The following CDH4 variants were observed in gnomAD, a reference collection of about 807,000 sequenced individuals.
CDH4 encodes cadherin 4.
A neutral mutation model predicts 86.0 loss-of-function variants in CDH4; 33 were observed. The observed-to-expected ratio is 0.38, with a 90% confidence interval of 0.29 to 0.51. CDH4 has a LOEUF of 0.51. CDH4 is among the 20% of genes least tolerant of loss of function. CDH4 has a pLI of 0.86. For synonymous variants in CDH4, 555 were observed against 549.4 expected, an observed-to-expected ratio of 1.01 and a Z score of -0.14; for missense variants, 1,114 against 1,307.4, an observed-to-expected ratio of 0.85 and a Z score of 2.28.
At chr20:61,396,829 G>T (rs113692884) in intron 2 of CDH4, among the ~76,000 whole-genome samples, 1 of 152,200 alleles carries the variant, frequency 6.6e-6, no homozygotes, top group Non-Finnish European at 1.5e-5. Flanking sequence ...GGTGGGGAGG[G>T]ATGCCCCAGG....
chr20:61,834,689 G>A (rs923561683), intron 4 of CDH4, among the ~76,000 whole-genome samples: 2 of 151,830 alleles, frequency 1.3e-5, no homozygotes, highest in African/African-American at 4.8e-5. Context: ...AACACGCTGC[G>A]CTACAGGTTG....
chr20:61,720,476 A>C (rs1281159685), intron 2 of CDH4, among the ~76,000 whole-genome samples: 1 of 134,468 alleles, frequency 7.4e-6, no homozygotes, highest in Non-Finnish European at 1.6e-5. Flanking sequence ...AGGGGTGGAG[A>C]ATGCAGGGGT....
In CDH4 at chr20:61,567,048, C is replaced by G. The variant is rs150127834; in HGVS notation, c.170-176515C>G. ...CTGTGAGGTGGAGAGCAGCTCTGTT[C>G]CAAACGCCCATATCCGTTAGCATGG... On this transcript the variant is annotated intron_variant, in intron 2 of 15. Coordinates refer to ENST00000614565, the MANE Select transcript of CDH4 (RefSeq NM_001794.5). 3.1e-3 allele frequency among the ~76,000 whole-genome samples: 475 copies of G among 152,286 alleles called. 2 individuals carry two copies. The highest frequency in any genetic ancestry group is 0.014 in the Middle Eastern group (4 of 294).
chr20:61,871,096 C>T (rs1983786983), intron 6 of CDH4, among the ~76,000 whole-genome samples: 1 of 151,624 alleles, frequency 6.6e-6, no homozygotes, highest in South Asian at 2.1e-4. Context: ...AGAGACAGAG[C>T]TCCTCATATC....
chr20:61,501,140 A>T lies in CDH4; in HGVS notation c.170-242423A>T, dbSNP rs111664305. Among the ~76,000 whole-genome samples the T allele has an allele frequency of 0.03, 4,599 of 152,262 alleles. 115 individuals carry two copies. The highest frequency in any genetic ancestry group is 0.046 in the Non-Finnish European group (3,141 of 68,000). ...AACATGTTTCTGTAGAGCCCAAAACAGGCCACATCCGCTCCTGCTCTGAGC... is the reference window on the plus strand; with the variant it reads ...AACATGTTTCTGTAGAGCCCAAAACTGGCCACATCCGCTCCTGCTCTGAGC... On this transcript the variant is annotated intron_variant, in intron 2 of 15. Transcript: ENST00000614565. The surrounding 1 kb of genome is among the most constrained non-coding windows in gnomAD (Gnocchi z 4.2).
intron 2 of CDH4, among the ~76,000 whole-genome samples, chr20:61,403,751 G>A (rs974523709): frequency 3.3e-5 from 5 of 152,052 alleles, no homozygotes; most frequent in Non-Finnish European, 5.9e-5. Flanking sequence ...GATTTCGCAC[G>A]GGACAATTTT....
chr20:61,900,766 CT>C (rs1220559304), intron 8 of CDH4, among the ~76,000 whole-genome samples: 1 of 152,208 alleles, frequency 6.6e-6, no homozygotes, highest in African/African-American at 2.4e-5. Context: ...CTGGGCCAGA[CT>C]CCCCAGCTTC....
chr20:61,877,703 G>C (rs1048211788), intron 7 of CDH4, among the ~76,000 whole-genome samples: 1 of 152,122 alleles, frequency 6.6e-6, no homozygotes, highest in Non-Finnish European at 1.5e-5. Context: ...GCTAACATTC[G>C]ATTCCAGGAA....
chr20:61,280,188 C>T (rs2084251285), intron 2 of CDH4, among the ~76,000 whole-genome samples: 1 of 152,038 alleles, frequency 6.6e-6, no homozygotes, highest in Admixed American at 6.6e-5. Flanking sequence ...GCTCTCTGAG[C>T]AGGATGGGAG....
intron 2 of CDH4, among the ~76,000 whole-genome samples, chr20:61,492,381 ATTG>A (rs2085632873): frequency 6.8e-6 from 1 of 147,366 alleles, no homozygotes. Context: ...TGGTGTCAAT[ATTG>A]TTGATGTTAG....
intron 2 of CDH4, among the ~76,000 whole-genome samples, chr20:61,680,824 TC>T (rs570797154): frequency 4.1e-4 from 50 of 120,672 alleles, no homozygotes; most frequent in African/African-American, 1.8e-3. Context: ...TGTCCTGAGT[TC>T]CCCCCTGTGT....
At chr20:61,344,000 G>A (rs929722867) in intron 2 of CDH4, among the ~76,000 whole-genome samples, 2 of 152,166 alleles carry the variant, frequency 1.3e-5, no homozygotes, top group Non-Finnish European at 2.9e-5. Context: ...CCTACGTGAA[G>A]AATGAAGAGG....
At chr20:61,483,075 G>A (rs951193873) in intron 2 of CDH4, among the ~76,000 whole-genome samples, 3 of 152,226 alleles carry the variant, frequency 2.0e-5, no homozygotes, top group Non-Finnish European at 4.4e-5. Flanking sequence ...CTGCTGCTGT[G>A]AAAACTTTTC....
chr20:61,905,502 G>C (rs1468166047), intron 8 of CDH4, among the ~76,000 whole-genome samples: 1 of 152,102 alleles, frequency 6.6e-6, no homozygotes, highest in Non-Finnish European at 1.5e-5. Flanking sequence ...GATGTGAGGG[G>C]CCACAAAATC....
intron 4 of CDH4, among the ~76,000 whole-genome samples, chr20:61,773,615 C>A (rs973925673): frequency 6.6e-6 from 1 of 152,184 alleles, no homozygotes; most frequent in African/African-American, 2.4e-5. Context: ...AGTTCTTGGT[C>A]CCCGAGCTCC....
intron 2 of CDH4, among the ~76,000 whole-genome samples, chr20:61,660,295 C>T (rs2087239023): frequency 6.6e-6 from 1 of 152,220 alleles, no homozygotes; most frequent in African/African-American, 2.4e-5. Flanking sequence ...GAAACGCCCG[C>T]AAGGCATCTG....
intron 4 of CDH4, among the ~76,000 whole-genome samples, chr20:61,817,912 C>T (rs562847057): frequency 7.2e-5 from 11 of 152,380 alleles, no homozygotes; most frequent in African/African-American, 2.4e-4. Flanking sequence ...GCTGAGCTCA[C>T]AGTTGGGACT....
At chr20:61,903,380 T>C (rs2054750398) in intron 8 of CDH4, among the ~76,000 whole-genome samples, 1 of 151,944 alleles carries the variant, frequency 6.6e-6, no homozygotes, top group Non-Finnish European at 1.5e-5. Flanking sequence ...ACCCCGTCTC[T>C]ACAAAAATAC....
chr20:61,313,294 C>T (rs13039549), intron 2 of CDH4, among the ~76,000 whole-genome samples: 5 of 152,098 alleles, frequency 3.3e-5, no homozygotes, highest in South Asian at 2.1e-4. Flanking sequence ...GGGAAGAGCC[C>T]GGAGACCCAG....
Sources: allele counts gnomAD v4.1 joint callset (sites outside exome capture counted in the v4.1 genomes callset), GRCh38; gene constraint gnomAD v4.1.1; non-coding constraint Gnocchi (gnomAD v3.1); transcripts MANE v1.5; gene names NCBI Gene and HGNC (gene_info 2026-07-23, HGNC 2026-07-21).